SAMD12: variants seen among roughly 807,000 people sequenced by gnomAD.
The protein encoded by SAMD12 is sterile alpha motif domain-containing protein 12.
In SAMD12, 9 loss-of-function variants were observed where a neutral mutation model predicts 15.0. The ratio of observed to expected loss-of-function variants is 0.60; its 90% CI spans 0.36 to 1.05. The LOEUF (loss-of-function observed/expected upper bound fraction) is 1.05. Among genes scored for constraint, SAMD12 ranks in the 50% least tolerant of loss-of-function variants. The pLI is 0.01. For missense variants in SAMD12, 230 were observed against 234.2 expected, an observed-to-expected ratio of 0.98 and a Z score of 0.12; for synonymous variants, 86 against 90.1, an observed-to-expected ratio of 0.96 and a Z score of 0.25.
intron 4 of SAMD12, among the ~76,000 whole-genome samples, chr8:118,336,493 G>A (rs1586554359): frequency 6.6e-6 from 1 of 151,968 alleles, no homozygotes; most frequent in East Asian, 1.9e-4. Context: ...TTCAGTGCAT[G>A]TGTCTTTATA....
At chr8:118,167,538 A>T in the SAMD12 span, among the ~76,000 whole-genome samples, 2 of 152,222 alleles carry the variant, frequency 1.3e-5, no homozygotes, top group African/African-American at 4.8e-5. Context: ...AGCCACAAAA[A>T]TGGACAATCA....
intron 2 of SAMD12, among the ~76,000 whole-genome samples, chr8:118,482,088 C>T (rs1824142646): frequency 6.6e-6 from 1 of 152,222 alleles, no homozygotes; most frequent in African/African-American, 2.4e-5. Flanking sequence ...ATGCCAAATG[C>T]CATCTGTTAA....
chr8:118,358,820 T>C (rs1314367216), intron 4 of SAMD12, among the ~76,000 whole-genome samples: 2 of 152,178 alleles, frequency 1.3e-5, no homozygotes, highest in African/African-American at 2.4e-5. Context: ...CAGAGTAGTA[T>C]ATGGATACTC....
chr8:118,341,952 A>G lies in SAMD12; in HGVS notation c.433+37608T>C, dbSNP rs555115986. Among the ~76,000 whole-genome samples the G allele has an allele frequency of 2.0e-5, 3 of 152,376 alleles. No individual in the cohort carries two copies. In the East Asian group the frequency reaches 5.8e-4, roughly 29 times the overall value. On this transcript the variant is annotated intron_variant, in intron 4 of 4. Transcript: ENST00000409003. ...TTCACAGAAATGGCCCATGCCCACC[A>G]TTGTGTACTCTCTGCTTAAAGCACT...
chr8:118,419,381 T>C (rs1399012502), intron 3 of SAMD12, among the ~76,000 whole-genome samples: 1 of 152,252 alleles, frequency 6.6e-6, no homozygotes, highest in Non-Finnish European at 1.5e-5. Context: ...TGAAAATGTG[T>C]GTGAAATATC....
At chr8:118,508,100 CT>C (rs1824973127) in intron 2 of SAMD12, among the ~76,000 whole-genome samples, 2 of 145,816 alleles carry the variant, frequency 1.4e-5, no homozygotes, top group Admixed American at 7.2e-5. Context: ...ATCAAGGGAT[CT>C]TCCTGCCTCA....
At position 118,357,068 on chromosome 8, in the gene SAMD12, C is replaced by A. The variant is rs529276011; in HGVS notation, c.433+22492G>T. ...ATCCATCTCCACACAGCTGTCAGTA[C>A]AATCTTTTGAAAATGTAAATGGGAT... On this transcript the variant is annotated intron_variant, in intron 4 of 4. Coordinates refer to the SAMD12 transcript ENST00000409003. Among the ~76,000 whole-genome samples the A allele has an allele frequency of 3.0e-4, 46 of 152,268 alleles. No individual in the cohort carries two copies. In the South Asian group the frequency reaches 9.5e-3, roughly 32 times the overall value.
At chr8:118,226,854 G>A (rs1422622007) in intron 4 of SAMD12, among the ~76,000 whole-genome samples, 1 of 152,112 alleles carries the variant, frequency 6.6e-6, no homozygotes, top group East Asian at 1.9e-4. Flanking sequence ...GAACATGGTA[G>A]CTTTGGATGT....
At chr8:118,588,383 C>A (rs117434637) in intron 1 of SAMD12, among the ~76,000 whole-genome samples, 2,508 of 152,266 alleles carry the variant, frequency 0.016, 34 homozygotes, top group Non-Finnish European at 0.027. Flanking sequence ...AACTATGGCC[C>A]ATTGACCAAA....
downstream of SAMD12, among the ~76,000 whole-genome samples, chr8:118,186,697 T>C (rs1344152438): frequency 6.6e-6 from 1 of 152,204 alleles, no homozygotes; most frequent in African/African-American, 2.4e-5. Flanking sequence ...ATTCAATGTT[T>C]ACTAGTTTTG....
intron 4 of SAMD12, among the ~76,000 whole-genome samples, chr8:118,205,131 T>A (rs1186846598): frequency 6.6e-6 from 1 of 152,236 alleles, no homozygotes; most frequent in Non-Finnish European, 1.5e-5. Context: ...TAATTCACTC[T>A]TTCTGCCTGA....
At chr8:118,297,135 C>T (rs1331486070) in intron 4 of SAMD12, among the ~76,000 whole-genome samples, 2 of 152,042 alleles carry the variant, frequency 1.3e-5, no homozygotes, top group Non-Finnish European at 2.9e-5. Flanking sequence ...TAGAGATAAG[C>T]CCTCCATATG....
intron 2 of SAMD12, among the ~76,000 whole-genome samples, chr8:118,543,053 A>C (rs557049587): frequency 6.6e-6 from 1 of 152,330 alleles, no homozygotes; most frequent in East Asian, 1.9e-4. Context: ...AGATGAGAAA[A>C]AATAAGAATT....
At chr8:118,461,074 C>T (rs968888647) in intron 2 of SAMD12, among the ~76,000 whole-genome samples, 2 of 152,206 alleles carry the variant, frequency 1.3e-5, no homozygotes, top group Non-Finnish European at 2.9e-5. Flanking sequence ...TTAAATATAA[C>T]CTCTATTAGA....
chr8:118,162,759 GAA>G, the SAMD12 span, among the ~76,000 whole-genome samples: 6 of 152,172 alleles, frequency 3.9e-5, no homozygotes, highest in African/African-American at 1.2e-4. Context: ...TAGAGAATGA[GAA>G]AAGAGTGAAA....
At chr8:118,565,601 G>GT (rs2131221130) in intron 2 of SAMD12, among the ~76,000 whole-genome samples, 1 of 152,280 alleles carries the variant, frequency 6.6e-6, no homozygotes, top group South Asian at 2.1e-4. Flanking sequence ...TATATCTTTA[G>GT]TTGAGATCTC....
chr8:118,347,456 G>T (rs141446105), intron 4 of SAMD12, among the ~76,000 whole-genome samples: 2 of 152,258 alleles, frequency 1.3e-5, no homozygotes, highest in East Asian at 1.9e-4. Flanking sequence ...ACAATCTAAG[G>T]CCTGCTATGT....
Position 118,379,638 on chromosome 8 carries a change from G to A in SAMD12, c.385C>T (p.Leu129Phe). Residue 129 changes from leucine to phenylalanine, a missense_variant, in exon 4 of 4, where the codon CTC becomes TTC. Coordinates refer to ENST00000314727, the MANE Select transcript of SAMD12 (RefSeq NM_207506.3). ...LERMGIAQEN[L>F]RQHILQQVLQ... The stretch of plus-strand genomic sequence containing the variant: ...ACCTGTTGTAAGATGTGCTGCCGGA[G>A]GTTCTCCTGGGCAATCCCCATTCGC... 1 of 1,613,896 alleles carries A rather than the reference G, an allele frequency of 6.2e-7. No homozygotes were observed. The highest frequency in any genetic ancestry group is 8.5e-7 in the Non-Finnish European group (1 of 1,179,858).
At chr8:118,305,018 G>A (rs1815249969) in intron 4 of SAMD12, among the ~76,000 whole-genome samples, 1 of 149,354 alleles carries the variant, frequency 6.7e-6, no homozygotes, top group South Asian at 2.1e-4. Context: ...GTGTGGTGGT[G>A]GGCGCCCATA....
Sources: gnomAD v4.1 joint callset for allele counts (sites outside exome capture counted in the v4.1 genomes callset) on GRCh38, gnomAD v4.1.1 for gene constraint, MANE v1.5 for transcripts, NCBI Gene and HGNC (gene_info 2026-07-23, HGNC 2026-07-21) for gene names.